The following NFIA variants were observed in gnomAD, a reference collection of about 807,000 sequenced individuals.
NFIA encodes nuclear factor 1 A-type.
A neutral mutation model predicts 62.8 loss-of-function variants in NFIA; 8 were observed. That is an observed-to-expected ratio of 0.13 (90% CI 0.07 to 0.23). NFIA has a LOEUF of 0.23. Ranked by LOEUF, NFIA falls within the 10% of genes least tolerant of loss-of-function variation. The pLI is 1.00. For synonymous variants in NFIA, 235 were observed against 238.1 expected (o/e 0.99, Z 0.12); for missense variants, 410 against 642.1 (o/e 0.64, Z 3.91).
At chr1:61,199,571 C>T (rs1226506493) in intron 2 of NFIA, among the ~76,000 whole-genome samples, 1 of 152,116 alleles carries the variant, frequency 6.6e-6, no homozygotes, top group Non-Finnish European at 1.5e-5. Flanking sequence ...GTATATACTA[C>T]ATTGCTTCCT....
rs1479392306 is a variant in NFIA, at chr1:61,462,176, C to T, written c.*6856C>T. On this transcript the variant is annotated 3_prime_UTR_variant, in exon 11 of 11. Transcript: ENST00000403491. ...TCTCCCTGGTCTCAGACCATCGTCT[C>T]TGCACTGCGAAGGCATTTGGTAGCC... 2 of 151,992 alleles carry T rather than the reference C, an allele frequency of 1.3e-5. No homozygotes were observed. Among genetic ancestry groups the T allele is most frequent in the Non-Finnish European group, 2.9e-5 (2 of 67,984 alleles). 9.4% of individuals were successfully genotyped at this position (151,992 alleles called of 1,614,324 possible). A position where few individuals can be genotyped will look rare whatever the true frequency, so the allele number is the denominator to read the frequency against.
rs116099307 is a variant in NFIA, at chr1:61,150,249, G to A, written c.559+61569G>A. Among the ~76,000 whole-genome samples, 1,230 of 152,268 alleles carry A rather than the reference G, an allele frequency of 8.1e-3. 24 individuals are homozygous for A. Among genetic ancestry groups the A allele is most frequent in the African/African-American group, 0.028 (1,152 of 41,558 alleles). ...CCAAGTCCCTTTAGATCAATGTGTC[G>A]CATGTCCCCCCATTGTGAGTTGAGT... On this transcript the variant is annotated intron_variant, in intron 2 of 10. Transcript: ENST00000403491.
rs777673097 is a variant in NFIA at position 61,383,832 on chromosome 1, A to G, written c.1075+467A>G. On this transcript the variant is annotated intron_variant, in intron 7 of 10. Transcript: ENST00000403491. ...TCTCTTTCCATAAAACCTGATTTCAATATGTGGCATTTTGTGTTGAGGTTG... is the reference window on the plus strand; with the variant it reads ...TCTCTTTCCATAAAACCTGATTTCAGTATGTGGCATTTTGTGTTGAGGTTG... 6.6e-5 allele frequency among the ~76,000 whole-genome samples: 10 copies of G among 152,276 alleles called. No homozygotes were observed. The Middle Eastern group carries it at 0.01, about 155-fold the overall frequency.
At chr1:61,392,502 C>T (rs1665030024) in intron 7 of NFIA, among the ~76,000 whole-genome samples, 2 of 151,982 alleles carry the variant, frequency 1.3e-5, no homozygotes, top group Non-Finnish European at 2.9e-5. Context: ...CCTAAATTAA[C>T]TGTAAGGCCA....
At chr1:61,123,769 A>C (rs910049979) in intron 2 of NFIA, among the ~76,000 whole-genome samples, 4 of 152,212 alleles carry the variant, frequency 2.6e-5, no homozygotes, top group Non-Finnish European at 5.9e-5. Flanking sequence ...CTCACATTGC[A>C]TATGATATTT....
Position 61,082,742 on chromosome 1 carries a change from C to T in NFIA, c.-50C>T. The T allele has an allele frequency of 1.3e-6, 2 of 1,552,036 alleles. No homozygotes were observed. Among genetic ancestry groups the T allele is most frequent in the East Asian group, 2.4e-5 (1 of 40,850 alleles). ...CTCTCTCACCCACACTCACGCACAC[C>T]TCCAAACCGCACACCCAGACGCACA... is the stretch of plus-strand genomic sequence containing the variant. On this transcript the variant is annotated 5_prime_UTR_variant, in exon 1 of 11. Coordinates refer to ENST00000403491, the MANE Select transcript of NFIA (RefSeq NM_001134673.4).
chr1:61,078,262 A>AG (rs1264361705), upstream of NFIA, among the ~76,000 whole-genome samples: 2 of 151,436 alleles, frequency 1.3e-5, no homozygotes, highest in African/African-American at 4.9e-5. Context: ...TTCGCGTTTA[A>AG]GAAAAAAAAA....
intron 1 of NFIA, among the ~76,000 whole-genome samples, chr1:61,085,940 GT>G (rs1483766632): frequency 6.6e-6 from 1 of 152,104 alleles, no homozygotes; most frequent in African/African-American, 2.4e-5. Context: ...GCAGTTTGCA[GT>G]TTTTTGAAAA....
chr1:61,459,923 C>T lies in NFIA; in HGVS notation c.*4603C>T, dbSNP rs1037377734. 1 of 152,184 alleles carries T rather than the reference C, an allele frequency of 6.6e-6. No individual in the cohort carries two copies. The highest frequency in any genetic ancestry group is 2.4e-5 in the African/African-American group (1 of 41,434). 9.4% of individuals were successfully genotyped at this position (152,184 alleles called of 1,614,324 possible). On this transcript the variant is annotated 3_prime_UTR_variant, in exon 11 of 11. Coordinates refer to ENST00000403491, the MANE Select transcript of NFIA (RefSeq NM_001134673.4). The stretch of plus-strand genomic sequence containing the variant: ...CATAGTGGTGGTGGAGTCTCTCTCT[C>T]TCTCTCTCTTTTTGTTTGCTTCTGT...
intron 2 of NFIA, among the ~76,000 whole-genome samples, chr1:61,200,031 T>C (rs1304628310): frequency 5.3e-5 from 2 of 37,928 alleles, no homozygotes; most frequent in African/African-American, 1.5e-4. Flanking sequence ...TATATATATA[T>C]ATATATATAT....
rs187232788 is a variant in NFIA, at chr1:61,452,873, G to A, written c.1513-2430G>A. The stretch of plus-strand genomic sequence containing the variant: ...ACTCAGAAGGAGTAACATTCACATC[G>A]CATTTTTTTTTTCTAATTCCCTTAA... On this transcript the variant is annotated intron_variant, in intron 10 of 10. Coordinates refer to ENST00000403491, the MANE Select transcript of NFIA (RefSeq NM_001134673.4). Among the ~76,000 whole-genome samples the A allele has an allele frequency of 3.3e-3, 497 of 151,154 alleles. 3 individuals are homozygous for A. Among genetic ancestry groups the A allele is most frequent in the African/African-American group, 0.012 (477 of 41,384 alleles).
chr1:61,082,891 C>A, intron 1 of NFIA, 73 bp downstream of exon 1: 1 of 1,379,400 alleles, frequency 7.2e-7, no homozygotes, highest in Non-Finnish European at 9.5e-7. Context: ...GGGTGGGGGG[C>A]ACCGGGGCCG....
chr1:61,321,742 T>C (rs1046715160), intron 3 of NFIA, among the ~76,000 whole-genome samples: 1 of 152,094 alleles, frequency 6.6e-6, no homozygotes, highest in Non-Finnish European at 1.5e-5. Flanking sequence ...ATCCAGTTCA[T>C]TGTGTGATGC....
intron 5 of NFIA, 73 bp from the exon 6 acceptor site, chr1:61,359,074 C>G: frequency 6.4e-7 from 1 of 1,566,248 alleles, no homozygotes; most frequent in South Asian, 1.2e-5. Context: ...GGCTTTCTTT[C>G]AACCAGAGGT....
chr1:61,432,720 A>C (rs1209393918), intron 10 of NFIA, among the ~76,000 whole-genome samples: 1 of 151,796 alleles, frequency 6.6e-6, no homozygotes, highest in African/African-American at 2.4e-5. Flanking sequence ...TCATCTTCTA[A>C]TTAGAAGTGG....
chr1:61,201,520 C>CA (rs200763519), intron 2 of NFIA, among the ~76,000 whole-genome samples: 3,789 of 92,234 alleles, frequency 0.041, 60 homozygotes, highest in Middle Eastern at 0.09. Context: ...AACTAAAAAA[C>CA]AAAAAAAAAA....
intron 2 of NFIA, among the ~76,000 whole-genome samples, chr1:61,105,707 T>G (rs1646583774): frequency 6.6e-6 from 1 of 151,968 alleles, no homozygotes; most frequent in African/African-American, 2.4e-5. Flanking sequence ...ATTTTCTGAT[T>G]ATGTTTTTGT....
rs371230943 is a variant in NFIA at position 61,406,559 on chromosome 1, C to A, written c.1255-3C>A. Reference sequence around the variant, plus strand: ...GTGTTTTCTGCCCCCCCCCCCCCCACAGCCCAATGGGAGCAGCCAAGGCAA... The same window carrying A: ...GTGTTTTCTGCCCCCCCCCCCCCCAAAGCCCAATGGGAGCAGCCAAGGCAA... On this transcript the variant is annotated splice_polypyrimidine_tract_variant and splice_region_variant and intron_variant, in intron 8 of 10. Transcript: ENST00000403491. The A allele has an allele frequency of 4.1e-5, 55 of 1,346,868 alleles. No homozygotes were observed. In the African/African-American group the frequency reaches 7.0e-4, roughly 17 times the overall value. 83.4% of individuals were successfully genotyped at this position (1,346,868 alleles called of 1,614,324 possible).
chr1:61,198,486 C>T (rs1192960933), intron 2 of NFIA, among the ~76,000 whole-genome samples: 2 of 152,170 alleles, frequency 1.3e-5, no homozygotes, highest in Non-Finnish European at 2.9e-5. Flanking sequence ...GTACTAGGGT[C>T]TTTGACTGAG....
Sources: allele counts gnomAD v4.1 joint callset (sites outside exome capture counted in the v4.1 genomes callset), GRCh38; gene constraint gnomAD v4.1.1; transcripts MANE v1.5; gene names NCBI Gene and HGNC (gene_info 2026-07-23, HGNC 2026-07-21).